Variants in RYR3 observed in about 807,000 individuals in gnomAD.
The protein encoded by RYR3 is brain ryanodine receptor-calcium release channel.
A neutral mutation model predicts 584.3 loss-of-function variants in RYR3; 207 were observed. The observed-to-expected ratio is 0.35, with a 90% CI of 0.32 to 0.40. The LOEUF (loss-of-function observed/expected upper bound fraction) is 0.40. RYR3 is among the 10% of genes least tolerant of loss of function. RYR3 has a pLI of 1.00. For synonymous variants in RYR3, 2,416 were observed against 2,248.5 expected (o/e 1.07, Z -2.11); for missense variants, 5,616 against 6,089.2 (o/e 0.92, Z 2.59).
intron 5 of RYR3, chr15:33,539,059 C>G (rs2055577362): frequency 5.0e-6 from 1 of 200,748 alleles, no homozygotes; most frequent in Non-Finnish European, 1.0e-5. Flanking sequence ...CTATAAAAAG[C>G]ATTTTTCCTA....
chr15:33,538,578 A>G (rs760426067), intron 5 of RYR3, among the ~76,000 whole-genome samples: 6 of 152,088 alleles, frequency 3.9e-5, no homozygotes, highest in Non-Finnish European at 5.9e-5. Flanking sequence ...AGCGTGGAGG[A>G]GGAGAGGTCT....
chr15:33,746,362 T>C (rs949199633), intron 53 of RYR3, among the ~76,000 whole-genome samples: 2 of 152,180 alleles, frequency 1.3e-5, no homozygotes, highest in Non-Finnish European at 2.9e-5. Flanking sequence ...GTTCTTTGGC[T>C]TTGAGAGGCC....
At chr15:33,548,834 A>G (rs1036069393) in intron 9 of RYR3, among the ~76,000 whole-genome samples, 1 of 152,170 alleles carries the variant, frequency 6.6e-6, no homozygotes, top group Non-Finnish European at 1.5e-5. Context: ...AGGATTTGCA[A>G]GTTAGGCTAG....
chr15:33,769,503 C>T (rs564451257), intron 62 of RYR3, among the ~76,000 whole-genome samples: 3 of 151,736 alleles, frequency 2.0e-5, no homozygotes, highest in East Asian at 2.0e-4. Flanking sequence ...TGAACCACAG[C>T]GCTCTGAATT....
intron 94 of RYR3, 64 bp downstream of exon 94, chr15:33,848,485 T>C: frequency 6.5e-7 from 1 of 1,528,680 alleles, no homozygotes; most frequent in Non-Finnish European, 8.8e-7. Flanking sequence ...AGAGTAACTC[T>C]TTCCTCCTGG....
At position 33,623,919 on chromosome 15, in the gene RYR3, G is replaced by C. The variant is rs774736714; in HGVS notation, c.2470G>C (p.Val824Leu). The C allele has an allele frequency of 9.3e-6, 15 of 1,613,798 alleles. No individual in the cohort carries two copies. Among genetic ancestry groups the C allele is most frequent in the Admixed American group, 6.7e-5 (4 of 60,008 alleles). ...AAAAGAGAAGATGAGATTGGAGCCT[G>C]TCAAAGAATATAAACGTGATGCTGA... Reference protein sequence around the residue: ...LPKEKMRLEPVKEYKRDADGI... With the variant: ...LPKEKMRLEPLKEYKRDADGI... The change falls in exon 20 of 104, where the codon GTC (valine) becomes CTC (leucine). Residue 824 changes from valine to leucine, a missense_variant. Coordinates refer to ENST00000634891, the MANE Select transcript of RYR3 (RefSeq NM_001036.6).
intron 57 of RYR3, among the ~76,000 whole-genome samples, chr15:33,751,514 T>C (rs2152851793): frequency 6.6e-6 from 1 of 152,302 alleles, no homozygotes; most frequent in Non-Finnish European, 1.5e-5. Flanking sequence ...CGTATGCCAG[T>C]TGGCTGCATA....
chr15:33,396,127 G>A (rs1013385778), intron 1 of RYR3, among the ~76,000 whole-genome samples: 1 of 152,120 alleles, frequency 6.6e-6, no homozygotes, highest in African/African-American at 2.4e-5. Flanking sequence ...AGAGAAGCAG[G>A]TGTTGTCTGA....
intron 12 of RYR3, among the ~76,000 whole-genome samples, chr15:33,568,486 G>A (rs1414566941): frequency 6.9e-6 from 1 of 144,688 alleles, no homozygotes; most frequent in East Asian, 2.0e-4. Context: ...TTTTTTTTTT[G>A]TTTGAGATAG....
intron 1 of RYR3, among the ~76,000 whole-genome samples, chr15:33,402,783 T>G (rs1452452440): frequency 6.6e-6 from 1 of 152,174 alleles, no homozygotes; most frequent in Non-Finnish European, 1.5e-5. Context: ...GGATATCAAA[T>G]TTGTGTTTTG....
intron 1 of RYR3, among the ~76,000 whole-genome samples, chr15:33,331,932 T>A (rs1970421871): frequency 6.6e-6 from 1 of 152,012 alleles, no homozygotes; most frequent in African/African-American, 2.4e-5. Flanking sequence ...AAAGAATTCT[T>A]AGATCCTTTT....
intron 36 of RYR3, among the ~76,000 whole-genome samples, chr15:33,666,934 A>G (rs772700860): frequency 2.6e-5 from 4 of 152,248 alleles, no homozygotes; most frequent in Admixed American, 6.5e-5. Context: ...TAGTAAAGAA[A>G]TTCATTTTCT....
At chr15:33,603,434 G>C in intron 18 of RYR3, 70 bp downstream of exon 18, 5 of 1,455,592 alleles carry the variant, frequency 3.4e-6, no homozygotes, top group Non-Finnish European at 4.6e-6. Context: ...TATTCAAGCT[G>C]AAATGACCAC....
chr15:33,403,880 T>C (rs2042844950), intron 1 of RYR3, among the ~76,000 whole-genome samples: 1 of 152,160 alleles, frequency 6.6e-6, no homozygotes, highest in Admixed American at 6.5e-5. Flanking sequence ...AACTAAATCT[T>C]GGATGGCTTT....
chr15:33,726,790 C>G (rs371549806), intron 46 of RYR3, among the ~76,000 whole-genome samples: 2 of 152,368 alleles, frequency 1.3e-5, no homozygotes, highest in South Asian at 4.1e-4. Flanking sequence ...CAATTTCAAG[C>G]CACCAATGTA....
intron 14 of RYR3, among the ~76,000 whole-genome samples, chr15:33,581,866 G>A (rs1249906000): frequency 6.6e-6 from 1 of 152,096 alleles, no homozygotes; most frequent in Non-Finnish European, 1.5e-5. Flanking sequence ...AACTACCTGG[G>A]AAACTGTTTG....
chr15:33,315,172 A>T (rs1211415944), intron 1 of RYR3, among the ~76,000 whole-genome samples: 1 of 152,106 alleles, frequency 6.6e-6, no homozygotes, highest in Non-Finnish European at 1.5e-5. Flanking sequence ...CCCAGGACAA[A>T]TTCCTGAATT....
At chr15:33,563,190 T>C (rs6495170) in intron 11 of RYR3, among the ~76,000 whole-genome samples, 180 bp downstream of exon 11, 26,072 of 152,204 alleles carry the variant, frequency 0.17, 3,721 homozygotes, top group African/African-American at 0.39. Flanking sequence ...TTGGATACTT[T>C]GACCCCATGT....
intron 73 of RYR3, 75 bp from the exon 74 acceptor site, chr15:33,813,392 C>A (rs1242524993): frequency 2.3e-6 from 3 of 1,297,860 alleles, no homozygotes; most frequent in East Asian, 4.6e-5. Context: ...ATGAAGAAGT[C>A]TGGGCTACAG....
Sources: allele counts gnomAD v4.1 joint callset (sites outside exome capture counted in the v4.1 genomes callset), GRCh38; gene constraint gnomAD v4.1.1; transcripts MANE v1.5; gene names NCBI Gene and HGNC (gene_info 2026-07-23, HGNC 2026-07-21).